Variants in NF1 observed in about 807,000 individuals in gnomAD.
The protein encoded by NF1 is neurofibromin.
A neutral mutation model predicts 325.7 loss-of-function variants in NF1; 122 were observed. That is an observed-to-expected ratio of 0.37 (90% CI 0.32 to 0.44). The LOEUF is 0.44. Ranked by LOEUF, NF1 falls within the 20% of genes least tolerant of loss-of-function variation. The pLI, the probability that NF1 is intolerant of heterozygous loss-of-function variation, is 1.00. For synonymous variants in NF1, 1,091 were observed against 1,186.0 expected, an observed-to-expected ratio of 0.92 and a Z score of 1.65; for missense variants, 2,140 against 3,415.4, an observed-to-expected ratio of 0.63 and a Z score of 9.31.
chr17:31,146,382 A>G (rs1314955349), intron 1 of NF1, among the ~76,000 whole-genome samples: 1 of 152,020 alleles, frequency 6.6e-6, no homozygotes, highest in East Asian at 1.9e-4. Flanking sequence ...AGCCCAACAC[A>G]TACAGATTTA....
intron 1 of NF1, among the ~76,000 whole-genome samples, chr17:31,129,673 C>T (rs1313207924): frequency 6.6e-6 from 1 of 152,096 alleles, no homozygotes; most frequent in Non-Finnish European, 1.5e-5. Flanking sequence ...TCATGATTCG[C>T]CTGTCTTGGC....
In NF1 at chr17:31,358,989, T is replaced by C; in HGVS notation, c.8134T>C (p.Trp2712Arg). 1.2e-6 allele frequency: 2 copies of C among 1,613,954 alleles called. No homozygotes were observed. The highest frequency in any genetic ancestry group is 1.7e-6 in the Non-Finnish European group (2 of 1,179,920). The change falls in exon 56 of 58, where the codon TGG becomes CGG. Residue 2712 changes from tryptophan to arginine, a missense_variant. Around this residue, in one of 10 missense-constraint regions of NF1, gnomAD observed 522 missense variants for 749.0 expected, o/e 0.70. Transcript: ENST00000358273. Reference sequence around the variant, plus strand: ...TGCAGGTTTTGGTTTTAATGGCTTGTGGCGGTTTGCAGGACCGTTTTCAAA... The same window carrying C: ...TGCAGGTTTTGGTTTTAATGGCTTGCGGCGGTTTGCAGGACCGTTTTCAAA... ...YLQSFGFNGL[W>R]RFAGPFSKQT...
At chr17:31,101,249 C>G (rs558639580) in intron 1 of NF1, among the ~76,000 whole-genome samples, 4 of 152,202 alleles carry the variant, frequency 2.6e-5, no homozygotes, top group Admixed American at 2.6e-4. Context: ...CCACTCCCCC[C>G]GGAAACCAAT....
rs563272507 is a variant in NF1, at chr17:31,323,317, G to A, written c.4836-2503G>A. Among the ~76,000 whole-genome samples, 8 of 152,204 alleles carry A rather than the reference G, an allele frequency of 5.3e-5. No homozygotes were observed. In the South Asian group the frequency reaches 1.2e-3, roughly 24 times the overall value. ...AGTCCCAGCTACTCAGGAGGCTGAGGTGGGAGGATCACCTGAGCCTGGGGA... is the reference window on the plus strand; with the variant it reads ...AGTCCCAGCTACTCAGGAGGCTGAGATGGGAGGATCACCTGAGCCTGGGGA... On this transcript the variant is annotated intron_variant, in intron 36 of 57. Transcript: ENST00000358273.
chr17:31,205,531 A>G (rs1318430697), intron 11 of NF1, among the ~76,000 whole-genome samples: 2 of 152,184 alleles, frequency 1.3e-5, no homozygotes, highest in Non-Finnish European at 2.9e-5. Flanking sequence ...ACTTCCAAAT[A>G]AAATAGGCAC....
Position 31,230,388 on chromosome 17 carries a change from T to C in NF1, c.3113+6T>C. The C allele has an allele frequency of 6.2e-7, 1 of 1,613,174 alleles. No homozygotes were observed. The highest frequency in any genetic ancestry group is 8.5e-7 in the Non-Finnish European group (1 of 1,179,442). On this transcript the variant is annotated splice_donor_region_variant and intron_variant, in intron 23 of 57. Transcript: ENST00000358273. ...TGCCAAGAGATGAAATTTAGGTGAG[T>C]TCTCAAAAGAGCAATGTAGGGTCTT... is the stretch of plus-strand genomic sequence containing the variant.
chr17:31,355,338 C>T (rs2070245327), intron 51 of NF1, among the ~76,000 whole-genome samples: 1 of 152,078 alleles, frequency 6.6e-6, no homozygotes. Flanking sequence ...GCCATGCTAC[C>T]TCAGACTAAT....
At chr17:31,242,548 C>T (rs1279085198) in intron 29 of NF1, among the ~76,000 whole-genome samples, 1 of 152,042 alleles carries the variant, frequency 6.6e-6, no homozygotes, top group Admixed American at 6.6e-5. Context: ...AATTCTTCTG[C>T]TTCATCAATT....
intron 30 of NF1, among the ~76,000 whole-genome samples, chr17:31,249,632 A>G (rs988271501): frequency 6.6e-6 from 1 of 152,234 alleles, no homozygotes; most frequent in Non-Finnish European, 1.5e-5. Context: ...GAGATACTGC[A>G]TCATCATTCA....
At chr17:31,305,299 T>C in intron 36 of NF1, 1 of 1,614,154 alleles carries the variant, frequency 6.2e-7, no homozygotes, top group Non-Finnish European at 8.5e-7. Context: ...TTTGGTGTTG[T>C]AGGCAAGTGG....
At chr17:31,179,645 T>C (rs1308708541) in intron 5 of NF1, among the ~76,000 whole-genome samples, 1 of 152,100 alleles carries the variant, frequency 6.6e-6, no homozygotes, top group African/African-American at 2.4e-5. Flanking sequence ...TAGCCGGGCA[T>C]GGTGGCAGGC....
chr17:31,332,413 G>A (rs1358552724), intron 39 of NF1, among the ~76,000 whole-genome samples: 3 of 151,604 alleles, frequency 2.0e-5, no homozygotes, highest in Admixed American at 1.3e-4. Flanking sequence ...GCAGTGAGCC[G>A]AGATCACTCC....
chr17:31,281,733 A>T (rs2068121951), intron 36 of NF1, among the ~76,000 whole-genome samples: 1 of 152,080 alleles, frequency 6.6e-6, no homozygotes, highest in Admixed American at 6.6e-5. Flanking sequence ...AAAAAAAAAA[A>T]TTCATTGAAA....
At chr17:31,183,856 A>T (rs915307575) in intron 8 of NF1, among the ~76,000 whole-genome samples, 1 of 152,188 alleles carries the variant, frequency 6.6e-6, no homozygotes, top group African/African-American at 2.4e-5. Flanking sequence ...GCCCTCGAAC[A>T]TCAGACTCCA....
chr17:31,279,686 A>G (rs1213220481), intron 36 of NF1, among the ~76,000 whole-genome samples: 2 of 151,936 alleles, frequency 1.3e-5, no homozygotes, highest in Admixed American at 6.5e-5. Context: ...AATTGTGAGT[A>G]CCTTCTAGAA....
At chr17:31,296,434 C>T (rs965506569) in intron 36 of NF1, 33 of 1,118,708 alleles carry the variant, frequency 2.9e-5, no homozygotes, top group Non-Finnish European at 4.0e-5. Context: ...CAATAAACCT[C>T]GTTGTTGTCG....
intron 13 of NF1, among the ~76,000 whole-genome samples, chr17:31,217,692 T>C (rs2066844029): frequency 6.6e-6 from 1 of 151,630 alleles, no homozygotes; most frequent in African/African-American, 2.4e-5. Context: ...CGGCAGGGCG[T>C]GGTCGCTCAC....
In NF1 at chr17:31,173,618, G is replaced by A. The variant is rs141892711; in HGVS notation, c.586+3621G>A. ...CATCTAAAAAAAAAAAAAAAGAAAT[G>A]GAATACATAGCATTTGATAGTCAAT... On this transcript the variant is annotated intron_variant, in intron 5 of 57. Coordinates refer to ENST00000358273, the MANE Select transcript of NF1 (RefSeq NM_001042492.3). Among the ~76,000 whole-genome samples, 565 of 151,420 alleles carry A rather than the reference G, an allele frequency of 3.7e-3. 22 individuals carry two copies. In the East Asian group the frequency reaches 0.086, roughly 23 times the overall value.
At chr17:31,223,354 T>A in intron 15 of NF1, 90 bp from the exon 16 acceptor site, 1 of 1,471,020 alleles carries the variant, frequency 6.8e-7, no homozygotes, top group East Asian at 2.3e-5. Flanking sequence ...AAACTTGTAT[T>A]CATTATGGGA....
Sources: allele counts gnomAD v4.1 joint callset (sites outside exome capture counted in the v4.1 genomes callset), GRCh38; gene constraint gnomAD v4.1.1; regional missense constraint gnomAD v4.1.1; transcripts MANE v1.5; gene names NCBI Gene and HGNC (gene_info 2026-07-23, HGNC 2026-07-21).